Variants in MYO18B observed in about 807,000 individuals in gnomAD.
MYO18B encodes unconventional myosin-XVIIIb.
Under a neutral mutation model 273.0 loss-of-function variants are expected in MYO18B, and 204 were observed. That is an observed-to-expected ratio of 0.75 (90% CI 0.67 to 0.84). The LOEUF (loss-of-function observed/expected upper bound fraction) is 0.84. Among genes scored for constraint, MYO18B ranks in the 40% least tolerant of loss-of-function variants. The pLI, the probability that MYO18B is intolerant of heterozygous loss-of-function variation, is 0.00. For synonymous variants in MYO18B, 1,330 were observed against 1,305.7 expected (o/e 1.02, Z -0.40); for missense variants, 3,212 against 3,287.6 (o/e 0.98, Z 0.56).
chr22:25,832,945 C>G lies in MYO18B; in HGVS notation c.3008C>G (p.Pro1003Arg). ...EEGVPVQFDL[P>R]DPSPGTTVAV... The stretch of plus-strand genomic sequence containing the variant: ...GGTGTTCCTGTGCAGTTTGACCTCC[C>G]GGACCCCTCCCCAGGGACCACCGTG... Residue 1003 changes from proline to arginine, a missense_variant, in exon 16 of 44, where the codon CCG becomes CGG. Transcript: ENST00000335473. 1 of 1,613,784 alleles carries G rather than the reference C, an allele frequency of 6.2e-7. No homozygotes were observed. Among genetic ancestry groups the G allele is most frequent in the Non-Finnish European group, 8.5e-7 (1 of 1,179,842 alleles).
chr22:25,815,940 A>G (rs993451371), intron 12 of MYO18B, among the ~76,000 whole-genome samples: 1 of 152,182 alleles, frequency 6.6e-6, no homozygotes, highest in African/African-American at 2.4e-5. Flanking sequence ...TTCATGTTGG[A>G]TTATGCATAA....
At chr22:25,786,304 T>G (rs764731121) in intron 11 of MYO18B, among the ~76,000 whole-genome samples, 2 of 152,174 alleles carry the variant, frequency 1.3e-5, no homozygotes, top group Non-Finnish European at 2.9e-5. Flanking sequence ...CACCACAAGA[T>G]AGCTGATAGA....
chr22:25,772,834 A>C (rs757230975), intron 7 of MYO18B, among the ~76,000 whole-genome samples: 6 of 152,208 alleles, frequency 3.9e-5, no homozygotes, highest in Non-Finnish European at 8.8e-5. Flanking sequence ...TGAGTCTCAC[A>C]TATCCACCTG....
chr22:25,756,419 T>C (rs1181549684), intron 1 of MYO18B: 4 of 152,246 alleles, frequency 2.6e-5, no homozygotes, highest in African/African-American at 9.6e-5. Flanking sequence ...CAGGGCTGCG[T>C]AGGCATGCTG....
chr22:25,874,166 C>A, intron 22 of MYO18B, 120 bp from the exon 23 acceptor site: 1 of 1,236,728 alleles, frequency 8.1e-7, no homozygotes, highest in Non-Finnish European at 1.1e-6. Flanking sequence ...ACTTAAAGGG[C>A]AACTGCCAAC....
chr22:25,948,930 T>C (rs1417953636), intron 36 of MYO18B, among the ~76,000 whole-genome samples: 1 of 151,602 alleles, frequency 6.6e-6, no homozygotes, highest in African/African-American at 2.4e-5. Context: ...GAGTGGGACA[T>C]TGGGGATTGG....
intron 34 of MYO18B, among the ~76,000 whole-genome samples, chr22:25,935,550 A>G (rs2092565818): frequency 2.0e-5 from 3 of 151,962 alleles, no homozygotes; most frequent in Non-Finnish European, 4.4e-5. Flanking sequence ...CATTTCAAAA[A>G]GGGCTAAGTA....
At chr22:25,890,982 C>T (rs768448099) in intron 26 of MYO18B, 107 bp downstream of exon 26, 37 of 1,446,120 alleles carry the variant, frequency 2.6e-5, no homozygotes, top group Non-Finnish European at 3.3e-5. Context: ...GCAAGATGCA[C>T]AGGTTGACTG....
intron 34 of MYO18B, among the ~76,000 whole-genome samples, chr22:25,937,498 C>T (rs2092593778): frequency 6.6e-6 from 1 of 151,962 alleles, no homozygotes; most frequent in African/African-American, 2.4e-5. Flanking sequence ...AGAGTAGCCA[C>T]CACACTGTCT....
At chr22:25,804,089 A>G (rs556182479) in intron 12 of MYO18B, among the ~76,000 whole-genome samples, 2 of 152,264 alleles carry the variant, frequency 1.3e-5, no homozygotes, top group Admixed American at 1.3e-4. Flanking sequence ...ACACGCCAAC[A>G]CTGGCAGGTA....
intron 33 of MYO18B, among the ~76,000 whole-genome samples, chr22:25,917,426 A>T (rs1271057047): frequency 6.6e-6 from 1 of 152,018 alleles, no homozygotes; most frequent in East Asian, 1.9e-4. Context: ...CATTGCTTCG[A>T]TTCTTACTTG....
intron 21 of MYO18B, among the ~76,000 whole-genome samples, chr22:25,854,813 A>G (rs1010578742): frequency 4.6e-5 from 7 of 152,204 alleles, no homozygotes; most frequent in East Asian, 1.9e-4. Flanking sequence ...AATGTCCTCA[A>G]GGTTCATTCA....
chr22:25,887,446 C>G (rs1159699627), intron 25 of MYO18B, among the ~76,000 whole-genome samples: 1 of 152,150 alleles, frequency 6.6e-6, no homozygotes, highest in Non-Finnish European at 1.5e-5. Flanking sequence ...TTCCTGTCCC[C>G]TTCTCTCTGG....
chr22:25,799,714 C>G (rs2088101716), intron 12 of MYO18B, among the ~76,000 whole-genome samples: 1 of 152,156 alleles, frequency 6.6e-6, no homozygotes, highest in Admixed American at 6.5e-5. Context: ...TGATTCTCAT[C>G]CATTTGAGCC....
At chr22:25,783,491 A>G (rs999307596) in intron 10 of MYO18B, among the ~76,000 whole-genome samples, 2 of 132,124 alleles carry the variant, frequency 1.5e-5, no homozygotes, top group Admixed American at 7.4e-5. Flanking sequence ...ACCTCTCAGA[A>G]CATCTCTCAG....
the MYO18B span, among the ~76,000 whole-genome samples, chr22:26,041,973 C>G: frequency 6.6e-6 from 1 of 152,160 alleles, no homozygotes; most frequent in African/African-American, 2.4e-5. Flanking sequence ...CAAGAAATAG[C>G]GACTATCTGC....
chr22:26,053,365 T>C, the MYO18B span, among the ~76,000 whole-genome samples: 8 of 152,176 alleles, frequency 5.3e-5, no homozygotes, highest in Non-Finnish European at 1.5e-5. Context: ...AATATTACTA[T>C]ACCTATTTTA....
intron 21 of MYO18B, among the ~76,000 whole-genome samples, chr22:25,852,652 G>T (rs1258246579): frequency 6.6e-6 from 1 of 152,204 alleles, no homozygotes. Context: ...ATTTACAAAA[G>T]AGAACACCAC....
intron 11 of MYO18B, among the ~76,000 whole-genome samples, chr22:25,790,314 C>T (rs766843199): frequency 1.2e-4 from 19 of 152,142 alleles, no homozygotes; most frequent in Non-Finnish European, 2.4e-4. Context: ...ATGTGCACAA[C>T]GCGCAGGTTA....
Sources: allele counts gnomAD v4.1 joint callset (sites outside exome capture counted in the v4.1 genomes callset), GRCh38; gene constraint gnomAD v4.1.1; transcripts MANE v1.5; gene names NCBI Gene and HGNC (gene_info 2026-07-23, HGNC 2026-07-21).